The following CX3CR1 variants were observed in gnomAD, a reference collection of about 807,000 sequenced individuals.
CX3CR1 encodes CX3C chemokine receptor 1.
For synonymous variants in CX3CR1, 168 were observed against 178.5 expected (o/e 0.94, Z 0.47); for missense variants, 363 against 432.4 (o/e 0.84, Z 1.42).
chr3:39,283,326 C>T (rs2040920106), upstream of CX3CR1, among the ~76,000 whole-genome samples: 1 of 152,150 alleles, frequency 6.6e-6, no homozygotes, highest in South Asian at 2.1e-4. Flanking sequence ...GTTTTATGGT[C>T]TATGCTGTGC....
In CX3CR1 at chr3:39,265,302, A is replaced by G; in HGVS notation, c.*140T>C. The G allele has an allele frequency of 1.2e-6, 1 of 809,522 alleles. No individual in the cohort carries two copies. The highest frequency in any genetic ancestry group is 2.1e-5 in the South Asian group (1 of 48,528). The allele number at this position is 809,522 out of a possible 1,614,324, so 50.1% of individuals were successfully genotyped here. On this transcript the variant is annotated 3_prime_UTR_variant, in exon 2 of 2. Coordinates refer to ENST00000399220, the MANE Select transcript of CX3CR1 (RefSeq NM_001337.4). ...TCAAATTTTGAGCACAATTCTCAAC[A>G]ACACTCTAGGGTTGTTTTGTGTGCA... is the stretch of plus-strand genomic sequence containing the variant.
At chr3:39,270,316 G>GAC (rs1232004157) in intron 1 of CX3CR1, among the ~76,000 whole-genome samples, 2 of 152,162 alleles carry the variant, frequency 1.3e-5, no homozygotes, top group African/African-American at 4.8e-5. Context: ...ATTTATCGTA[G>GAC]ACACACACAT....
At chr3:39,269,355 A>T (rs1419557024) in intron 1 of CX3CR1, among the ~76,000 whole-genome samples, 1 of 152,158 alleles carries the variant, frequency 6.6e-6, no homozygotes, top group Non-Finnish European at 1.5e-5. Flanking sequence ...TGCCACGTGC[A>T]CAGGGGCATC....
rs528432683 is a variant in CX3CR1 at position 39,277,966 on chromosome 3, C to T, written c.-10+1988G>A. On this transcript the variant is annotated intron_variant, in intron 1 of 1. Coordinates refer to ENST00000399220, the MANE Select transcript of CX3CR1 (RefSeq NM_001337.4). ...TCCTATACCATGCCTTTAATCCTTG[C>T]AGAAAGTTGACACATACCCATTACA... Among the ~76,000 whole-genome samples, 8 of 152,296 alleles carry T rather than the reference C, an allele frequency of 5.3e-5. No individual in the cohort carries two copies. The South Asian group carries it at 1.7e-3, about 32-fold the overall frequency.
At chr3:39,289,859 G>A in the CX3CR1 span, among the ~76,000 whole-genome samples, 2 of 152,160 alleles carry the variant, frequency 1.3e-5, no homozygotes, top group East Asian at 3.9e-4. Context: ...AAGCCAAGGA[G>A]TGAGGCCTCA....
At chr3:39,270,535 C>A (rs939454027) in intron 1 of CX3CR1, among the ~76,000 whole-genome samples, 1 of 152,194 alleles carries the variant, frequency 6.6e-6, no homozygotes, top group African/African-American at 2.4e-5. Flanking sequence ...TTCTGTCATG[C>A]AACAATCTCT....
chr3:39,283,220 T>A (rs2040919317), upstream of CX3CR1, among the ~76,000 whole-genome samples: 1 of 152,132 alleles, frequency 6.6e-6, no homozygotes, highest in Non-Finnish European at 1.5e-5. Flanking sequence ...TCATCTTATA[T>A]GTGAGGAGTT....
chr3:39,278,023 T>C (rs1475400472), intron 1 of CX3CR1, among the ~76,000 whole-genome samples: 1 of 152,220 alleles, frequency 6.6e-6, no homozygotes, highest in Admixed American at 6.5e-5. Flanking sequence ...AATCTCCATT[T>C]TAAAAGCAGG....
At chr3:39,281,254 G>A, upstream of CX3CR1, 1 of 1,061,232 alleles carries the variant, frequency 9.4e-7, no homozygotes, top group Non-Finnish European at 1.1e-6. Context: ...CCTTTGGCCA[G>A]AAGGCCACAG....
chr3:39,285,640 T>C (rs757158220), upstream of CX3CR1, among the ~76,000 whole-genome samples: 8 of 152,246 alleles, frequency 5.3e-5, no homozygotes, highest in Non-Finnish European at 1.0e-4. Context: ...TTTGCAATAC[T>C]TAAAAATATC....
intron 1 of CX3CR1, among the ~76,000 whole-genome samples, chr3:39,277,776 G>A (rs1052601380): frequency 1.3e-5 from 2 of 152,114 alleles, no homozygotes; most frequent in Non-Finnish European, 2.9e-5. Context: ...GCTCTAATAC[G>A]TTCTTTGCTT....
At chr3:39,283,797 A>ATATTTT (rs1213414058), upstream of CX3CR1, among the ~76,000 whole-genome samples, 1 of 23,730 alleles carries the variant, frequency 4.2e-5, no homozygotes, top group Non-Finnish European at 9.1e-5. Context: ...AAAAAAAATT[A>ATATTTT]TATATATATA....
upstream of CX3CR1, among the ~76,000 whole-genome samples, chr3:39,282,379 G>C (rs1408814085): frequency 2.0e-5 from 3 of 152,124 alleles, no homozygotes; most frequent in Non-Finnish European, 2.9e-5. Flanking sequence ...CTCTCTTTCT[G>C]CCCAGCCCCT....
At chr3:39,283,794 ATT>A (rs1491505579), upstream of CX3CR1, among the ~76,000 whole-genome samples, 4,766 of 58,114 alleles carry the variant, frequency 0.082, 279 homozygotes, top group Non-Finnish European at 0.1. Flanking sequence ...AAAAAAAAAA[ATT>A]ATATATATAT....
chr3:39,292,570 T>C, the CX3CR1 span, among the ~76,000 whole-genome samples: 1 of 152,212 alleles, frequency 6.6e-6, no homozygotes, highest in African/African-American at 2.4e-5. Context: ...AGTTAAAACA[T>C]AGTAATAGAC....
In CX3CR1 at chr3:39,265,787, G is replaced by A. The variant is rs1223432570; in HGVS notation, c.723C>T (p.Phe241=). The A allele has an allele frequency of 4.3e-6, 7 of 1,614,150 alleles. No homozygotes were observed. The highest frequency in any genetic ancestry group is 5.9e-6 in the Non-Finnish European group (7 of 1,180,008). Residue 241 remains phenylalanine (F), a synonymous_variant, in exon 2 of 2, where the codon TTC becomes TTT. Coordinates refer to ENST00000399220, the MANE Select transcript of CX3CR1 (RefSeq NM_001337.4). The part of the protein sequence containing the change: ...KLILLVVIVF[F]LFWTPYNVMI... ...TAACGTTGTAGGGTGTCCAGAAGAGGAAAAACACGATGACCACCAGAAGGA... is the reference window on the plus strand; with the variant it reads ...TAACGTTGTAGGGTGTCCAGAAGAGAAAAAACACGATGACCACCAGAAGGA...
At position 39,265,350 on chromosome 3, in the gene CX3CR1, G is replaced by A; in HGVS notation, c.*92C>T. On this transcript the variant is annotated 3_prime_UTR_variant, in exon 2 of 2. Transcript: ENST00000399220. ...GCATTGGGTCCATCATTTTGTGCCT[G>A]TAAGAAATAACAACAAAAATCTTTC... 9 of 1,369,242 alleles carry A rather than the reference G, an allele frequency of 6.6e-6. No homozygotes were observed. Among genetic ancestry groups the A allele is most frequent in the Non-Finnish European group, 9.0e-6 (9 of 1,004,924 alleles). 84.8% of individuals were successfully genotyped at this position (1,369,242 alleles called of 1,614,324 possible).
chr3:39,283,798 TATATATATATATATATATATA>T (rs1559371954), upstream of CX3CR1, among the ~76,000 whole-genome samples: 514 of 28,744 alleles, frequency 0.018, 19 homozygotes, highest in Non-Finnish European at 0.026. Flanking sequence ...AAAAAAATTA[TATATATATATATATATATATA>T]TATATATATA....
upstream of CX3CR1, chr3:39,280,536 G>A (rs2040883975): frequency 5.5e-6 from 5 of 905,242 alleles, no homozygotes; most frequent in Non-Finnish European, 6.6e-6. Flanking sequence ...ATTCTTAGAA[G>A]AGTGATATGC....
Sources: allele counts gnomAD v4.1 joint callset (sites outside exome capture counted in the v4.1 genomes callset), GRCh38; gene constraint gnomAD v4.1.1; transcripts MANE v1.5; gene names NCBI Gene and HGNC (gene_info 2026-07-23, HGNC 2026-07-21).